The following APLF variants were observed in gnomAD, a reference collection of about 807,000 sequenced individuals.
APLF encodes the protein aprataxin and PNK-like factor.
A neutral mutation model predicts 55.6 loss-of-function variants in APLF; 61 were observed. The ratio of observed to expected loss-of-function variants is 1.10; its 90% CI spans 0.89 to 1.36. The LOEUF (loss-of-function observed/expected upper bound fraction) is 1.36. APLF is among the 40% of genes most tolerant of loss of function. The pLI is 0.00. For missense variants in APLF, 611 were observed against 602.5 expected, an observed-to-expected ratio of 1.01 and a Z score of -0.15; for synonymous variants, 207 against 214.8, an observed-to-expected ratio of 0.96 and a Z score of 0.32.
intron 6 of APLF, chr2:68,528,360 A>G: frequency 2.6e-6 from 4 of 1,532,264 alleles, no homozygotes; most frequent in Non-Finnish European, 3.5e-6. Context: ...TCTCTTTGGG[A>G]AGCCTGACCC....
intron 9 of APLF, among the ~76,000 whole-genome samples, chr2:68,574,706 C>T (rs13408921): frequency 0.018 from 2,690 of 152,182 alleles, 79 homozygotes; most frequent in African/African-American, 0.061. Flanking sequence ...AAAATTCTTC[C>T]GATTAATGTG....
chr2:68,485,637 A>G (rs770967193), intron 1 of APLF, among the ~76,000 whole-genome samples: 12 of 152,036 alleles, frequency 7.9e-5, no homozygotes, highest in Non-Finnish European at 1.5e-4. Flanking sequence ...TAATTTTTAC[A>G]TTGATAGTTA....
intron 1 of APLF, among the ~76,000 whole-genome samples, chr2:68,475,472 C>G (rs1675742496): frequency 6.6e-6 from 1 of 152,160 alleles, no homozygotes. Context: ...GCCTGATAAC[C>G]TACCATTTAC....
At chr2:68,517,200 T>C (rs1276912682) in intron 5 of APLF, among the ~76,000 whole-genome samples, 4 of 125,342 alleles carry the variant, frequency 3.2e-5, no homozygotes, top group Non-Finnish European at 6.2e-5. Flanking sequence ...ACATAATATA[T>C]TAATATATGT....
intron 8 of APLF, among the ~76,000 whole-genome samples, chr2:68,552,300 T>C (rs1670890130): frequency 9.2e-5 from 14 of 152,078 alleles, no homozygotes. Context: ...TTGGGAAAAA[T>C]CAGCTTTGTG....
At chr2:68,497,688 C>T (rs1051908336) in intron 2 of APLF, among the ~76,000 whole-genome samples, 2 of 151,748 alleles carry the variant, frequency 1.3e-5, no homozygotes, top group African/African-American at 4.9e-5. Flanking sequence ...CATGAGAACT[C>T]ATTATCTTTA....
chr2:68,467,801 G>C lies in APLF; in HGVS notation c.70G>C (p.Val24Leu), dbSNP rs1409332903. 3.2e-6 allele frequency: 4 copies of C among 1,233,796 alleles called. No homozygotes were observed. In the African/African-American group the frequency reaches 6.2e-5, roughly 19 times the overall value. 76.4% of individuals were successfully genotyped at this position (1,233,796 alleles called of 1,614,324 possible). A position where few individuals can be genotyped will look rare whatever the true frequency, so the allele number is the denominator to read the frequency against. ...PRVALAPGET[V>L]IGRGPLLGIT... ...GGTGGCCCTGGCGCCCGGGGAGACGGTGATCGGCCGCGGGCCGCTGCTGGG... is the reference window on the plus strand; with the variant it reads ...GGTGGCCCTGGCGCCCGGGGAGACGCTGATCGGCCGCGGGCCGCTGCTGGG... Residue 24 changes from valine (V) to leucine (L), a missense_variant, in exon 1 of 10, where the codon GTG (valine) becomes CTG (leucine). Coordinates refer to ENST00000303795, the MANE Select transcript of APLF (RefSeq NM_173545.3).
chr2:68,567,626 T>C (rs187314922), intron 9 of APLF, among the ~76,000 whole-genome samples: 20 of 152,244 alleles, frequency 1.3e-4, no homozygotes, highest in African/African-American at 4.6e-4. Context: ...AGGATTCTTT[T>C]GTTTGCAAGT....
chr2:68,473,544 G>A (rs1262270987), intron 1 of APLF, among the ~76,000 whole-genome samples: 1 of 152,180 alleles, frequency 6.6e-6, no homozygotes, highest in East Asian at 1.9e-4. Flanking sequence ...GGATTGGATA[G>A]TAAAGTTGTA....
chr2:68,502,060 AT>A (rs1300565038), intron 2 of APLF, among the ~76,000 whole-genome samples: 2 of 152,118 alleles, frequency 1.3e-5, no homozygotes, highest in Non-Finnish European at 2.9e-5. Flanking sequence ...CCAAATTTGC[AT>A]TTATTACAGA....
intron 2 of APLF, among the ~76,000 whole-genome samples, chr2:68,495,940 C>T (rs966385078): frequency 6.6e-6 from 1 of 152,234 alleles, no homozygotes; most frequent in Non-Finnish European, 1.5e-5. Context: ...AGCACTGTCC[C>T]AAGGCCATGC....
At chr2:68,513,786 A>C (rs1323540945) in intron 5 of APLF, 106 bp downstream of exon 5, 1 of 1,305,552 alleles carries the variant, frequency 7.7e-7, no homozygotes, top group Non-Finnish European at 1.0e-6. Flanking sequence ...GATAGAGTAG[A>C]GGTTGTGTAA....
intron 5 of APLF, among the ~76,000 whole-genome samples, chr2:68,518,713 A>G (rs1669758603): frequency 8.0e-6 from 1 of 124,990 alleles, no homozygotes; most frequent in South Asian, 2.3e-4. Flanking sequence ...TGAATATACA[A>G]TAATATATCA....
chr2:68,528,107 C>T (rs1219169015), intron 6 of APLF: 28 of 557,630 alleles, frequency 5.0e-5, no homozygotes, highest in African/African-American at 1.9e-4. Flanking sequence ...GTGGAGCAGC[C>T]GGGCAGAGGT....
intron 8 of APLF, among the ~76,000 whole-genome samples, chr2:68,564,812 A>G (rs1223840147): frequency 6.6e-6 from 1 of 152,068 alleles, no homozygotes; most frequent in African/African-American, 2.4e-5. Flanking sequence ...GAGTCACTTC[A>G]TAAGAAAGAG....
chr2:68,511,886 T>C (rs897114947), intron 3 of APLF, among the ~76,000 whole-genome samples: 6 of 151,692 alleles, frequency 4.0e-5, no homozygotes, highest in Admixed American at 2.0e-4. Context: ...AATTTTCTCT[T>C]TTGGCTGATT....
intron 7 of APLF, among the ~76,000 whole-genome samples, chr2:68,539,260 G>T (rs191394616): frequency 6.6e-6 from 1 of 152,244 alleles, no homozygotes; most frequent in East Asian, 1.9e-4. Flanking sequence ...GTATTAGTTT[G>T]CCAGGGCTGC....
Position 68,502,742 on chromosome 2 carries a change from T to A in APLF, c.180T>A (p.Asn60Lys), listed in dbSNP as rs764402750. Residue 60 changes from asparagine (N) to lysine (K), a missense_variant, in exon 3 of 10, where the codon AAT becomes AAA. Coordinates refer to ENST00000303795, the MANE Select transcript of APLF (RefSeq NM_173545.3). ...GQLRIKPIHT[N>K]PCFYQSSEKS... Reference sequence around the variant, plus strand: ...TTTTAATTTGTTAGATACACACAAATCCATGTTTTTACCAGTCTTCAGAGA... The same window carrying A: ...TTTTAATTTGTTAGATACACACAAAACCATGTTTTTACCAGTCTTCAGAGA... The A allele has an allele frequency of 6.6e-7, 1 of 1,525,174 alleles. No individual in the cohort carries two copies. The highest frequency in any genetic ancestry group is 2.4e-5 in the Admixed American group (1 of 41,948). 94.5% of individuals were successfully genotyped at this position (1,525,174 alleles called of 1,614,324 possible).
At chr2:68,474,282 T>C (rs1432915751) in intron 1 of APLF, among the ~76,000 whole-genome samples, 8 of 152,222 alleles carry the variant, frequency 5.3e-5, no homozygotes, top group Non-Finnish European at 1.2e-4. Flanking sequence ...GATTAAACCA[T>C]TGGGCATTAG....
Sources: allele counts gnomAD v4.1 joint callset (sites outside exome capture counted in the v4.1 genomes callset), GRCh38; gene constraint gnomAD v4.1.1; transcripts MANE v1.5; gene names NCBI Gene and HGNC (gene_info 2026-07-23, HGNC 2026-07-21).